MYO1C: variants seen among roughly 807,000 people sequenced by gnomAD.
The protein encoded by MYO1C is unconventional myosin-Ic.
MYO1C carries 104 observed loss-of-function variants against 150.8 expected under a neutral mutation model. The observed-to-expected ratio is 0.69, with a 90% confidence interval of 0.59 to 0.81. The LOEUF (loss-of-function observed/expected upper bound fraction) is 0.81. Among genes scored for constraint, MYO1C ranks in the 30% least tolerant of loss-of-function variants. The probability of loss-of-function intolerance (pLI) is 0.00; values close to 1 mark genes in which losing one functional copy is unlikely to be tolerated. For synonymous variants in MYO1C, 663 were observed against 579.9 expected (o/e 1.14, Z -2.06); for missense variants, 1,504 against 1,435.0 (o/e 1.05, Z -0.78).
At chr17:1,492,318 T>C in intron 1 of MYO1C, 95 bp downstream of exon 1, 1 of 1,267,414 alleles carries the variant, frequency 7.9e-7, no homozygotes, top group Non-Finnish European at 1.1e-6. Flanking sequence ...CCCTCCCCGC[T>C]GCTCAGCTCT....
At chr17:1,471,877 T>C (rs2074310273) in intron 19 of MYO1C, 30 bp downstream of exon 19, 28 of 1,606,560 alleles carry the variant, frequency 1.7e-5, no homozygotes, top group Non-Finnish European at 2.4e-5. Flanking sequence ...CCGCTCCCCT[T>C]CCCTGGCACC....
intron 18 of MYO1C, 27 bp from the exon 19 acceptor site, chr17:1,472,051 G>A: frequency 6.2e-7 from 1 of 1,611,478 alleles, no homozygotes; most frequent in Non-Finnish European, 8.5e-7. Flanking sequence ...GCCGTGGTCA[G>A]CGGGCTGGCG....
At chr17:1,491,844 G>A (rs1302510557) in intron 1 of MYO1C, among the ~76,000 whole-genome samples, 2 of 151,628 alleles carry the variant, frequency 1.3e-5, no homozygotes, top group Non-Finnish European at 2.9e-5. Flanking sequence ...CAGCGAACAC[G>A]CGCGCGCCCC....
chr17:1,482,751 CCTCCCCTCCCACACTA>C, intron 4 of MYO1C, 94 bp downstream of exon 4: 1 of 405,370 alleles, frequency 2.5e-6, no homozygotes, highest in East Asian at 4.1e-5. Context: ...CTGCCCCTCC[CCTCCCCTCCCACACTA>C]GCCTTCTCTC....
intron 24 of MYO1C, 31 bp downstream of exon 24, chr17:1,470,144 G>T: frequency 6.3e-7 from 1 of 1,595,988 alleles, no homozygotes; most frequent in South Asian, 1.1e-5. Flanking sequence ...TACTATGATG[G>T]TCCCTAACTT....
At position 1,465,762 on chromosome 17, in the gene MYO1C, C is replaced by T. The variant is rs372045110; in HGVS notation, c.3166-10G>A. The T allele has an allele frequency of 3.2e-5, 42 of 1,319,266 alleles. No individual in the cohort carries two copies. In the Admixed American group the frequency reaches 3.4e-4, roughly 11 times the overall value. 81.7% of individuals were successfully genotyped at this position (1,319,266 alleles called of 1,614,324 possible). A position where few individuals can be genotyped will look rare whatever the true frequency, so the allele number is the denominator to read the frequency against. On this transcript the variant is annotated splice_polypyrimidine_tract_variant and intron_variant, in intron 31 of 31. Transcript: ENST00000648651. Reference sequence around the variant, plus strand: ...TCAGCCGTGGGGCGACCTGTGGGGGCGGAGAGAGACGGCCAAGTGGTGAGG... The same window carrying T: ...TCAGCCGTGGGGCGACCTGTGGGGGTGGAGAGAGACGGCCAAGTGGTGAGG...
Position 1,482,899 on chromosome 17 carries a change from C to A in MYO1C, c.508G>T (p.Val170Leu). Residue 170 changes from valine to leucine, a missense_variant, in exon 4 of 32, where the codon GTG (valine) becomes TTG (leucine). Val to Leu is a conservative substitution (Grantham distance 32, BLOSUM62 1). Coordinates refer to ENST00000648651, the MANE Select transcript of MYO1C (RefSeq NM_001080779.2). ...TTGCTCTGTAGCAGCCGGTCCCGCA[C>A]GGCACCTCCGCGCTCGGGGGCTGGG... ...TCPAPERGGA[V>L]RDRLLQSNPV... 3 of 1,611,940 alleles carry A rather than the reference C, an allele frequency of 1.9e-6. No homozygotes were observed. Among genetic ancestry groups the A allele is most frequent in the South Asian group, 1.1e-5 (1 of 91,024 alleles).
chr17:1,476,867 C>T (rs2074411999), intron 14 of MYO1C, among the ~76,000 whole-genome samples: 1 of 151,518 alleles, frequency 6.6e-6, no homozygotes, highest in African/African-American at 2.4e-5. Context: ...GGGTTGAAGT[C>T]TCACTCTGTC....
At chr17:1,485,856 C>A in intron 1 of MYO1C, 1 of 318,076 alleles carries the variant, frequency 3.1e-6, no homozygotes, top group Non-Finnish European at 4.6e-6. Flanking sequence ...TCCCCGGCCT[C>A]CCCCGCCTCC....
intron 21 of MYO1C, 25 bp from the exon 22 acceptor site, chr17:1,470,714 TG>T: frequency 6.3e-7 from 1 of 1,595,384 alleles, no homozygotes; most frequent in Non-Finnish European, 8.5e-7. Context: ...GAAAGGCAAT[TG>T]GCCAGAGCGC....
intron 7 of MYO1C, among the ~76,000 whole-genome samples, chr17:1,480,151 A>T (rs1337021286): frequency 3.5e-5 from 5 of 144,490 alleles, no homozygotes; most frequent in East Asian, 2.1e-4. Flanking sequence ...TCTCAAAAAA[A>T]AAAAAAAAAA....
In MYO1C at chr17:1,479,550, GC is replaced by G. The variant is rs1335021684; in HGVS notation, c.1020+41del. On this transcript the variant is annotated intron_variant, in intron 8 of 31. Transcript: ENST00000648651. This position sits in a 1 kb window ranked among gnomAD's most constrained non-coding sequence, Gnocchi z 4.2. Reference sequence around the variant, plus strand: ...CGGTGAGGGTGCACCCCCAGCCCCCGCCCCCGCCGTCCTCCCGTCGCCCTCT... The same window carrying G: ...CGGTGAGGGTGCACCCCCAGCCCCCGCCCCGCCGTCCTCCCGTCGCCCTCT... The G allele has an allele frequency of 1.6e-6, 1 of 625,838 alleles. No individual in the cohort carries two copies. Among genetic ancestry groups the G allele is most frequent in the Non-Finnish European group, 2.7e-6 (1 of 375,682 alleles). The allele number at this position is 625,838 out of a possible 1,614,324, so 38.8% of individuals were successfully genotyped here.
chr17:1,470,994 G>A (rs2074291157), intron 21 of MYO1C, 77 bp downstream of exon 21: 3 of 1,474,178 alleles, frequency 2.0e-6, no homozygotes, highest in Middle Eastern at 2.1e-4. Flanking sequence ...ACTCCCTGGA[G>A]AAGGAGCCCA....
Position 1,478,238 on chromosome 17 carries a change from G to T in MYO1C, c.1296-46C>A. The T allele has an allele frequency of 1.3e-6, 2 of 1,588,378 alleles. No homozygotes were observed. The highest frequency in any genetic ancestry group is 1.7e-6 in the Non-Finnish European group (2 of 1,158,096). ...CCACAGTGGCTCAGTGGGGACACAGGACCAGGAGAGGGGAAAAGCTGGACG... is the reference window on the plus strand; with the variant it reads ...CCACAGTGGCTCAGTGGGGACACAGTACCAGGAGAGGGGAAAAGCTGGACG... On this transcript the variant is annotated intron_variant, in intron 11 of 31. Coordinates refer to ENST00000648651, the MANE Select transcript of MYO1C (RefSeq NM_001080779.2). The surrounding 1 kb of genome is among the most constrained non-coding windows in gnomAD (Gnocchi z 6.3).
At chr17:1,475,416 G>A (rs903661029) in intron 14 of MYO1C, among the ~76,000 whole-genome samples, 1 of 152,036 alleles carries the variant, frequency 6.6e-6, no homozygotes, top group Non-Finnish European at 1.5e-5. Flanking sequence ...TGCACCCCCA[G>A]GGCTGGGTCA....
chr17:1,477,211 T>A, intron 14 of MYO1C: 1 of 305,270 alleles, frequency 3.3e-6, no homozygotes, highest in Non-Finnish European at 6.0e-6. Context: ...GGAGTCTCGC[T>A]CTTGTCACCC....
At position 1,479,569 on chromosome 17, in the gene MYO1C, C is replaced by T. The variant is rs1390892412; in HGVS notation, c.1020+23G>A. The T allele has an allele frequency of 6.6e-6, 10 of 1,504,360 alleles. No homozygotes were observed. Among genetic ancestry groups the T allele is most frequent in the Admixed American group, 3.4e-5 (2 of 58,110 alleles). The allele number at this position is 1,504,360 out of a possible 1,614,324, so 93.2% of individuals were successfully genotyped here. A position where few individuals can be genotyped will look rare whatever the true frequency, so the allele number is the denominator to read the frequency against. The stretch of plus-strand genomic sequence containing the variant: ...GCCCCCGCCCCCGCCGTCCTCCCGT[C>T]GCCCTCTGCCCGCCCCACTCACCCT... On this transcript the variant is annotated intron_variant, in intron 8 of 31. Coordinates refer to ENST00000648651, the MANE Select transcript of MYO1C (RefSeq NM_001080779.2). This position sits in a 1 kb window ranked among gnomAD's most constrained non-coding sequence, Gnocchi z 4.2.
Position 1,478,823 on chromosome 17 carries a change from C to A in MYO1C, c.1093-88G>T. 6.3e-7 allele frequency: 1 copy of A among 1,587,252 alleles called. No homozygotes were observed. The highest frequency in any genetic ancestry group is 8.5e-7 in the Non-Finnish European group (1 of 1,170,672). On this transcript the variant is annotated intron_variant, in intron 9 of 31. Coordinates refer to ENST00000648651, the MANE Select transcript of MYO1C (RefSeq NM_001080779.2). The surrounding 1 kb of genome is among the most constrained non-coding windows in gnomAD (Gnocchi z 6.3). ...CAGGCTCAGGCAGACCAGGAAGCCGCCACCACTCTGCACTCCCAGCTCCAG... is the reference window on the plus strand; with the variant it reads ...CAGGCTCAGGCAGACCAGGAAGCCGACACCACTCTGCACTCCCAGCTCCAG...
At chr17:1,474,100 C>G (rs142573260) in intron 17 of MYO1C, among the ~76,000 whole-genome samples, 4 of 151,872 alleles carry the variant, frequency 2.6e-5, no homozygotes, top group Non-Finnish European at 4.4e-5. Context: ...TGAAGACACA[C>G]GACTCCACTA....
Sources: gnomAD v4.1 joint callset for allele counts (sites outside exome capture counted in the v4.1 genomes callset) on GRCh38, gnomAD v4.1.1 for gene constraint, Gnocchi (gnomAD v3.1) non-coding constraint, MANE v1.5 for transcripts, NCBI Gene and HGNC (gene_info 2026-07-23, HGNC 2026-07-21) for gene names.